SPATC1: variants seen among roughly 807,000 people sequenced by gnomAD.
The protein encoded by SPATC1 is speriolin.
SPATC1 carries 35 observed loss-of-function variants against 36.5 expected under a neutral mutation model. That is an observed-to-expected ratio of 0.96 (90% CI 0.73 to 1.27). SPATC1 has a LOEUF of 1.27. Among genes scored for constraint, SPATC1 ranks in the 50% most tolerant of loss-of-function variants. The probability of loss-of-function intolerance (pLI) is 0.00; values close to 1 mark genes in which losing one functional copy is unlikely to be tolerated. For synonymous variants in SPATC1, 361 were observed against 353.6 expected, an observed-to-expected ratio of 1.02 and a Z score of -0.24; for missense variants, 779 against 796.0, an observed-to-expected ratio of 0.98 and a Z score of 0.26.
At chr8:144,044,810 G>T (rs754388401) in intron 4 of SPATC1, among the ~76,000 whole-genome samples, 2 of 152,056 alleles carry the variant, frequency 1.3e-5, no homozygotes, top group South Asian at 4.1e-4. Flanking sequence ...TTAGCTGGGC[G>T]TGGAGGCATA....
chr8:144,018,877 CAA>C lies in SPATC1; in HGVS notation c.211+6169_211+6170del, dbSNP rs1165770098. On this transcript the variant is annotated intron_variant, in intron 1 of 4. Transcript: ENST00000377470. ...TGAAACCCCGTCTCTACTAAAAATA[CAA>C]AAAAAAAAAAAAAAAAAGCAGGCAT... is the stretch of plus-strand genomic sequence containing the variant. Among the ~76,000 whole-genome samples the C allele has an allele frequency of 9.0e-4, 87 of 96,644 alleles. 1 individual carries two copies. Among genetic ancestry groups the C allele is most frequent in the African/African-American group, 3.1e-3 (75 of 24,074 alleles). The allele number at this position is 96,644 out of a possible 152,430, so 63.4% of individuals were successfully genotyped here.
At position 144,046,890 on chromosome 8, in the gene SPATC1, G is replaced by A. The variant is rs377158174; in HGVS notation, c.1710G>A (p.Ala570=). Reference sequence around the variant, plus strand: ...TGCACCCCGGCATGCTCGCCGACGCGCTGCTGCTGCTCTCCTGCCTCAGCC... The same window carrying A: ...TGCACCCCGGCATGCTCGCCGACGCACTGCTGCTGCTCTCCTGCCTCAGCC... ...ETVHPGMLAD[A]LLLLSCLSQL... Residue 570 remains alanine, a synonymous_variant, in exon 5 of 5, where the codon GCG becomes GCA. Coordinates refer to ENST00000377470, the MANE Select transcript of SPATC1 (RefSeq NM_198572.3). This position sits in a 1 kb window ranked among gnomAD's most constrained non-coding sequence, Gnocchi z 6.6. 9.1e-5 allele frequency: 146 copies of A among 1,599,278 alleles called. No individual in the cohort carries two copies. Among genetic ancestry groups the A allele is most frequent in the Middle Eastern group, 1.6e-4 (1 of 6,080 alleles).
intron 1 of SPATC1, 152 bp downstream of exon 1, chr8:144,012,878 T>A (rs1334120299): frequency 8.6e-6 from 7 of 816,328 alleles, no homozygotes; most frequent in East Asian, 2.7e-5. Context: ...CCAGACAATG[T>A]GCTTCCTGTC....
At chr8:144,028,974 T>C (rs1834739514) in intron 1 of SPATC1, among the ~76,000 whole-genome samples, 1 of 151,926 alleles carries the variant, frequency 6.6e-6, no homozygotes, top group Admixed American at 6.6e-5. Context: ...ACACTGCATG[T>C]TCTCACTCAC....
At chr8:144,038,635 C>T (rs141352622) in intron 1 of SPATC1, among the ~76,000 whole-genome samples, 17,860 of 151,770 alleles carry the variant, frequency 0.12, 3,008 homozygotes, top group African/African-American at 0.37. Flanking sequence ...CCACCAGGCC[C>T]AGCTAATTTT....
Position 144,035,619 on chromosome 8 carries a change from C to T in SPATC1, c.212-4290C>T, listed in dbSNP as rs1342081878. The stretch of plus-strand genomic sequence containing the variant: ...CAACTTGGTCGAAAAACAGACCGGG[C>T]CATTTCCCTCTGGGGACGAGACCAT... On this transcript the variant is annotated intron_variant, in intron 1 of 4. Coordinates refer to ENST00000377470, the MANE Select transcript of SPATC1 (RefSeq NM_198572.3). 3.9e-5 allele frequency among the ~76,000 whole-genome samples: 6 copies of T among 152,376 alleles called. No homozygotes were observed. The East Asian group carries it at 1.2e-3, about 29-fold the overall frequency.
intron 1 of SPATC1, among the ~76,000 whole-genome samples, chr8:144,028,562 G>C (rs1834730692): frequency 6.6e-6 from 1 of 152,188 alleles, no homozygotes; most frequent in Non-Finnish European, 1.5e-5. Context: ...AACAGATGCT[G>C]ACGAGGCTGT....
At chr8:144,042,284 A>AACAT (rs1475095587) in intron 4 of SPATC1, among the ~76,000 whole-genome samples, 13 of 36,300 alleles carry the variant, frequency 3.6e-4, no homozygotes, top group African/African-American at 1.9e-3. Context: ...ACGCCCAGCT[A>AACAT]ATATATATAT....
intron 1 of SPATC1, among the ~76,000 whole-genome samples, chr8:144,030,412 T>C (rs1306704664): frequency 6.6e-6 from 1 of 152,224 alleles, no homozygotes; most frequent in Non-Finnish European, 1.5e-5. Flanking sequence ...CAGGCTGGAG[T>C]GCAGTGGCAC....
intron 1 of SPATC1, among the ~76,000 whole-genome samples, chr8:144,018,877 CA>C (rs1165770098): frequency 0.039 from 3,783 of 96,638 alleles, 223 homozygotes; most frequent in African/African-American, 0.15. Context: ...ACTAAAAATA[CA>C]AAAAAAAAAA....
upstream of SPATC1, among the ~76,000 whole-genome samples, chr8:144,012,161 C>T (rs898122180): frequency 1.3e-5 from 2 of 152,238 alleles, no homozygotes; most frequent in Non-Finnish European, 2.9e-5. Context: ...AGTGCTATGA[C>T]ACAGGACACA....
rs1835268042 is a variant in SPATC1, at chr8:144,046,591, G to A, written c.1447-36G>A. On this transcript the variant is annotated intron_variant, in intron 4 of 4. Coordinates refer to ENST00000377470, the MANE Select transcript of SPATC1 (RefSeq NM_198572.3). This position sits in a 1 kb window ranked among gnomAD's most constrained non-coding sequence, Gnocchi z 6.6. Reference sequence around the variant, plus strand: ...TTACCTGCCTGTGTGTGGAGGTGTGGCAAGGGAGGGTCCCTGATGGCCGCT... The same window carrying A: ...TTACCTGCCTGTGTGTGGAGGTGTGACAAGGGAGGGTCCCTGATGGCCGCT... The A allele has an allele frequency of 1.3e-6, 2 of 1,575,092 alleles. No individual in the cohort carries two copies. Among genetic ancestry groups the A allele is most frequent in the South Asian group, 1.1e-5 (1 of 87,276 alleles).
In SPATC1 at chr8:144,012,478, C is replaced by T; in HGVS notation, c.-38C>T. 3.9e-6 allele frequency: 6 copies of T among 1,538,714 alleles called. No individual in the cohort carries two copies. The highest frequency in any genetic ancestry group is 4.4e-6 in the Non-Finnish European group (5 of 1,135,560). On this transcript the variant is annotated 5_prime_UTR_variant, in exon 1 of 5. Coordinates refer to ENST00000377470, the MANE Select transcript of SPATC1 (RefSeq NM_198572.3). ...CCCTGGGCAGCCTCCAGGTGCAGTG[C>T]CCTCCCGTGGGCCGCACCCTTGCCA...
Position 144,040,104 on chromosome 8 carries a change from C to G in SPATC1, c.407C>G (p.Pro136Arg), listed in dbSNP as rs1353475216. 3 of 1,611,212 alleles carry G rather than the reference C, an allele frequency of 1.9e-6. No individual in the cohort carries two copies. Among genetic ancestry groups the G allele is most frequent in the Non-Finnish European group, 2.5e-6 (3 of 1,179,704 alleles). Residue 136 changes from proline to arginine, a missense_variant, in exon 2 of 5, where the codon CCC becomes CGC. Coordinates refer to ENST00000377470, the MANE Select transcript of SPATC1 (RefSeq NM_198572.3). ...CCAGCACCCACGTCACAGAGCAGCC[C>G]CCTCACCAGCTTCCTGACCAGTCCC... ...SGPAPTSQSS[P>R]LTSFLTSPIA... is the part of the protein sequence containing the mutation.
At chr8:144,036,504 T>C (rs1395990173) in intron 1 of SPATC1, among the ~76,000 whole-genome samples, 1 of 151,944 alleles carries the variant, frequency 6.6e-6, no homozygotes, top group Non-Finnish European at 1.5e-5. Flanking sequence ...TTGGATTTTT[T>C]GTAGAGACGG....
chr8:144,033,643 G>A (rs1374441201), intron 1 of SPATC1, among the ~76,000 whole-genome samples: 1 of 152,186 alleles, frequency 6.6e-6, no homozygotes, highest in Non-Finnish European at 1.5e-5. Flanking sequence ...TGAGTCCAAA[G>A]GGAAAGACAA....
chr8:144,017,099 C>A (rs1341301222), intron 1 of SPATC1, among the ~76,000 whole-genome samples: 1 of 152,146 alleles, frequency 6.6e-6, no homozygotes, highest in African/African-American at 2.4e-5. Flanking sequence ...ACAGCATAAG[C>A]CACAGGTAGA....
At chr8:144,042,601 C>T (rs545067400) in intron 4 of SPATC1, among the ~76,000 whole-genome samples, 21 of 152,022 alleles carry the variant, frequency 1.4e-4, no homozygotes, top group African/African-American at 3.1e-4. Context: ...GGATGACAGG[C>T]GTGAGCCACC....
chr8:144,040,383 T>C lies in SPATC1; in HGVS notation c.686T>C (p.Leu229Pro). 6.2e-7 allele frequency: 1 copy of C among 1,612,388 alleles called. No individual in the cohort carries two copies. Among genetic ancestry groups the C allele is most frequent in the Non-Finnish European group, 8.5e-7 (1 of 1,179,800 alleles). Residue 229 changes from leucine to proline, a missense_variant, in exon 2 of 5, where the codon CTG becomes CCG. Coordinates refer to ENST00000377470, the MANE Select transcript of SPATC1 (RefSeq NM_198572.3). ...CTGGTCCTGCCAGAGGCCCCAAGGC[T>C]GCGGCTGGCTGAGCCACTCCGCGGA... is the stretch of plus-strand genomic sequence containing the variant. ...SNLVLPEAPR[L>P]RLAEPLRGGP...
Sources: allele counts gnomAD v4.1 joint callset (sites outside exome capture counted in the v4.1 genomes callset), GRCh38; gene constraint gnomAD v4.1.1; non-coding constraint Gnocchi (gnomAD v3.1); transcripts MANE v1.5; gene names NCBI Gene and HGNC (gene_info 2026-07-23, HGNC 2026-07-21).